BTBD9: variants seen among roughly 807,000 people sequenced by gnomAD.
BTBD9 encodes BTB domain containing 9, also known as BTB/POZ domain-containing protein 9.
BTBD9 carries 49 observed loss-of-function variants against 64.3 expected under a neutral mutation model. The observed-to-expected ratio is 0.76, with a 90% confidence interval of 0.61 to 0.97. BTBD9 has a LOEUF of 0.97. Among genes scored for constraint, BTBD9 ranks in the 50% least tolerant of loss-of-function variants. The probability of loss-of-function intolerance (pLI) is 0.00; values close to 1 mark genes in which losing one functional copy is unlikely to be tolerated. For synonymous variants in BTBD9, 260 were observed against 274.7 expected, an observed-to-expected ratio of 0.95 and a Z score of 0.53; for missense variants, 598 against 762.1, an observed-to-expected ratio of 0.78 and a Z score of 2.53.
intron 6 of BTBD9, among the ~76,000 whole-genome samples, chr6:38,487,575 G>C (rs971665127): frequency 5.0e-5 from 7 of 140,092 alleles, no homozygotes; most frequent in Admixed American, 1.5e-4. Context: ...GAGCGAGAGA[G>C]ACAGAGAGAG....
chr6:38,190,847 A>G (rs1420336367), intron 10 of BTBD9, among the ~76,000 whole-genome samples: 1 of 152,200 alleles, frequency 6.6e-6, no homozygotes. Flanking sequence ...GGGCAGCCCT[A>G]GAAGAAGGCC....
At chr6:38,550,825 G>C (rs115531889) in intron 6 of BTBD9, among the ~76,000 whole-genome samples, 1 of 152,214 alleles carries the variant, frequency 6.6e-6, no homozygotes, top group African/African-American at 2.4e-5. Context: ...CAAATCACAG[G>C]ATTCCTTGGC....
At chr6:38,574,216 A>T (rs1219001844) in intron 6 of BTBD9, among the ~76,000 whole-genome samples, 1 of 152,210 alleles carries the variant, frequency 6.6e-6, no homozygotes, top group Non-Finnish European at 1.5e-5. Context: ...CTGGCTTTGA[A>T]GCCTGATATT....
chr6:38,262,377 A>C (rs2127538635), intron 8 of BTBD9, among the ~76,000 whole-genome samples: 1 of 152,306 alleles, frequency 6.6e-6, no homozygotes, highest in South Asian at 2.1e-4. Flanking sequence ...TAATGAGCAC[A>C]GCATGAAATG....
chr6:38,308,071 T>C (rs569720056), intron 7 of BTBD9, among the ~76,000 whole-genome samples: 1 of 152,352 alleles, frequency 6.6e-6, no homozygotes, highest in East Asian at 1.9e-4. Flanking sequence ...GTTTACTCTC[T>C]TATGTGCAGT....
intron 10 of BTBD9, among the ~76,000 whole-genome samples, chr6:38,186,704 A>G (rs992590929): frequency 1.3e-5 from 2 of 152,222 alleles, no homozygotes; most frequent in Non-Finnish European, 1.5e-5. Context: ...ATATAAATTC[A>G]GTAAGTAAAA....
At chr6:38,337,354 G>A (rs1171564315) in intron 7 of BTBD9, among the ~76,000 whole-genome samples, 1 of 152,186 alleles carries the variant, frequency 6.6e-6, no homozygotes, top group East Asian at 1.9e-4. Flanking sequence ...TAAACATACT[G>A]TTACAATCTC....
intron 7 of BTBD9, among the ~76,000 whole-genome samples, chr6:38,327,496 A>G (rs971504667): frequency 3.9e-5 from 6 of 152,214 alleles, no homozygotes; most frequent in Non-Finnish European, 8.8e-5. Context: ...CTATTTTAAT[A>G]AGTAATACTG....
At chr6:38,572,793 T>TATATATATA in intron 6 of BTBD9, among the ~76,000 whole-genome samples, 1 of 146,820 alleles carries the variant, frequency 6.8e-6, no homozygotes, top group South Asian at 2.1e-4. Context: ...GTGGAAAAAA[T>TATATATATA]ATATATATAT....
chr6:38,514,157 G>A (rs137995365), intron 6 of BTBD9, among the ~76,000 whole-genome samples: 4 of 152,338 alleles, frequency 2.6e-5, no homozygotes, highest in East Asian at 1.9e-4. Flanking sequence ...GTATAAGGAT[G>A]TGATCCAGAG....
intron 6 of BTBD9, among the ~76,000 whole-genome samples, chr6:38,551,869 G>A (rs373957526): frequency 4.6e-5 from 7 of 152,316 alleles, no homozygotes; most frequent in Admixed American, 6.5e-5. Context: ...GATGTTGAAG[G>A]CAGGGTTTAA....
chr6:38,519,098 A>AT (rs1773173700), intron 6 of BTBD9, among the ~76,000 whole-genome samples: 1 of 152,200 alleles, frequency 6.6e-6, no homozygotes, highest in Admixed American at 6.5e-5. Flanking sequence ...TCTGCTGCAG[A>AT]TATGTATAGT....
At chr6:38,456,049 T>C (rs1769790534) in intron 6 of BTBD9, among the ~76,000 whole-genome samples, 1 of 152,158 alleles carries the variant, frequency 6.6e-6, no homozygotes, top group Admixed American at 6.5e-5. Flanking sequence ...AGTGGCGCCA[T>C]CTTGACTCAC....
At chr6:38,567,029 T>C (rs1173110841) in intron 6 of BTBD9, among the ~76,000 whole-genome samples, 3 of 152,188 alleles carry the variant, frequency 2.0e-5, no homozygotes, top group African/African-American at 7.2e-5. Context: ...AAAATTACAA[T>C]GGGCAATGCA....
At chr6:38,179,905 C>T (rs1561837850) in intron 10 of BTBD9, 3 of 443,960 alleles carry the variant, frequency 6.8e-6, no homozygotes, top group Non-Finnish European at 4.6e-6. Flanking sequence ...AGCTGCTTTC[C>T]AGGCAAAGGG....
At chr6:38,463,767 C>G (rs1770211416) in intron 6 of BTBD9, among the ~76,000 whole-genome samples, 1 of 152,198 alleles carries the variant, frequency 6.6e-6, no homozygotes, top group Non-Finnish European at 1.5e-5. Context: ...CATGGTGGCT[C>G]ACGCCTATAA....
chr6:38,558,628 T>C (rs1775135873), intron 6 of BTBD9, among the ~76,000 whole-genome samples: 1 of 152,184 alleles, frequency 6.6e-6, no homozygotes, highest in African/African-American at 2.4e-5. Context: ...CCAAAAGCTT[T>C]CTGTGCATCT....
At position 38,580,130 on chromosome 6, in the gene BTBD9, C is replaced by T. The variant is rs906459691; in HGVS notation, c.1034+88G>A. ...GCAGAATGATCACAAAGAAATAAAC[C>T]ATCATATCTGTAAAACAAAAGTAGA... On this transcript the variant is annotated intron_variant, in intron 5 of 10. Coordinates refer to ENST00000481247, the MANE Select transcript of BTBD9 (RefSeq NM_001099272.2). 7.2e-6 allele frequency: 9 copies of T among 1,244,588 alleles called. No individual in the cohort carries two copies. In the Admixed American group the frequency reaches 1.7e-4, roughly 24 times the overall value. 77.1% of individuals were successfully genotyped at this position (1,244,588 alleles called of 1,614,324 possible).
At chr6:38,456,140 A>G (rs146457538) in intron 6 of BTBD9, among the ~76,000 whole-genome samples, 94 of 151,420 alleles carry the variant, frequency 6.2e-4, no homozygotes, top group African/African-American at 2.0e-3. Context: ...GGCATGTGCC[A>G]CCACGCCCTG....
Sources: gnomAD v4.1 joint callset for allele counts (sites outside exome capture counted in the v4.1 genomes callset) on GRCh38, gnomAD v4.1.1 for gene constraint, MANE v1.5 for transcripts, NCBI Gene and HGNC (gene_info 2026-07-23, HGNC 2026-07-21) for gene names.